Variants in CEP70 observed in about 807,000 individuals in gnomAD.
CEP70 encodes the protein centrosomal protein of 70 kDa.
A neutral mutation model predicts 90.9 loss-of-function variants in CEP70; 70 were observed. That is an observed-to-expected ratio of 0.77 (90% CI 0.64 to 0.94). CEP70 has a LOEUF of 0.94. Ranked by LOEUF, CEP70 falls within the 40% of genes least tolerant of loss-of-function variation. CEP70 has a pLI of 0.00. For synonymous variants in CEP70, 220 were observed against 228.3 expected (o/e 0.96, Z 0.33); for missense variants, 648 against 669.0 (o/e 0.97, Z 0.35).
At chr3:138,495,929 A>T in intron 17 of CEP70, 1 of 985,362 alleles carries the variant, frequency 1.0e-6, no homozygotes, top group Non-Finnish European at 1.2e-6. Flanking sequence ...TATATTATAG[A>T]GCTTAGCCTG....
In CEP70 at chr3:138,549,697, G is replaced by A. The variant is rs145684882; in HGVS notation, c.466-12350C>T. 5.7e-3 allele frequency among the ~76,000 whole-genome samples: 861 copies of A among 152,164 alleles called. 7 individuals are homozygous for A. Among genetic ancestry groups the A allele is most frequent in the African/African-American group, 0.02 (827 of 41,506 alleles). ...GGGCCCTGCCTACTGCCTGATCCCCGTTATACTACCACAGCTGATGCACTC... is the reference window on the plus strand; with the variant it reads ...GGGCCCTGCCTACTGCCTGATCCCCATTATACTACCACAGCTGATGCACTC... On this transcript the variant is annotated intron_variant, in intron 6 of 17. Coordinates refer to ENST00000264982, the MANE Select transcript of CEP70 (RefSeq NM_024491.4).
At chr3:138,525,786 T>A (rs1576648019) in intron 10 of CEP70, among the ~76,000 whole-genome samples, 1 of 152,348 alleles carries the variant, frequency 6.6e-6, no homozygotes. Context: ...TTGCTGCTAA[T>A]CTGTTACTTG....
chr3:138,570,130 A>AGAAT (rs1346619322), intron 6 of CEP70, among the ~76,000 whole-genome samples, 188 bp downstream of exon 6: 2 of 152,166 alleles, frequency 1.3e-5, no homozygotes. Context: ...AAGAAATTAG[A>AGAAT]GAATGATCAG....
chr3:138,541,584 C>T (rs1045374913), intron 6 of CEP70, among the ~76,000 whole-genome samples: 1 of 151,974 alleles, frequency 6.6e-6, no homozygotes, highest in African/African-American at 2.4e-5. Flanking sequence ...AGAAGGACAC[C>T]ACATGCAAAA....
chr3:138,564,017 T>C lies in CEP70; in HGVS notation c.465+6301A>G, dbSNP rs569508379. ...GCAATAAAAAATGATAAAGGGGATA[T>C]CCCCACTGATCCCACAGAAATACAA... On this transcript the variant is annotated intron_variant, in intron 6 of 17. Coordinates refer to ENST00000264982, the MANE Select transcript of CEP70 (RefSeq NM_024491.4). Among the ~76,000 whole-genome samples the C allele has an allele frequency of 6.6e-5, 10 of 152,158 alleles. No individual in the cohort carries two copies. The East Asian group carries it at 1.5e-3, about 23-fold the overall frequency.
chr3:138,546,877 T>G (rs1377317872), intron 6 of CEP70, among the ~76,000 whole-genome samples: 2 of 152,148 alleles, frequency 1.3e-5, no homozygotes, highest in African/African-American at 2.4e-5. Flanking sequence ...CACAAATCTC[T>G]TATGGAACAG....
intron 2 of CEP70, among the ~76,000 whole-genome samples, chr3:138,576,889 G>A (rs2041564619): frequency 6.6e-6 from 1 of 152,130 alleles, no homozygotes; most frequent in South Asian, 2.1e-4. Context: ...AAATAAAGAT[G>A]TTCTTTGAAA....
chr3:138,546,990 C>A (rs2039257911), intron 6 of CEP70, among the ~76,000 whole-genome samples: 1 of 152,014 alleles, frequency 6.6e-6, no homozygotes, highest in Non-Finnish European at 1.5e-5. Context: ...GGAACTATTT[C>A]ATCTTATAAG....
rs1438085408 is a variant in CEP70, at chr3:138,529,394, G to T, written c.761C>A (p.Thr254Asn). Residue 254 changes from threonine (T) to asparagine (N), a missense_variant, in exon 9 of 18, where the codon ACT becomes AAT. Transcript: ENST00000264982. Reference protein sequence around the residue: ...NDYRNLDASPTYKGLLMSLQN... With the variant: ...NDYRNLDASPNYKGLLMSLQN... ...CCATACCATTAAAAGGCCTTTATAA[G>T]TTGGTGAGGCATCCAGATTTCTGTA... 6.2e-6 allele frequency: 10 copies of T among 1,609,628 alleles called. No homozygotes were observed. Among genetic ancestry groups the T allele is most frequent in the African/African-American group, 2.7e-5 (2 of 74,660 alleles).
chr3:138,522,162 T>G (rs934601348), intron 11 of CEP70, among the ~76,000 whole-genome samples: 1 of 152,112 alleles, frequency 6.6e-6, no homozygotes, highest in Non-Finnish European at 1.5e-5. Flanking sequence ...CGCAGGGTCC[T>G]CTGCCTAGGA....
chr3:138,512,105 T>A (rs969406068), intron 11 of CEP70, among the ~76,000 whole-genome samples: 2 of 152,178 alleles, frequency 1.3e-5, no homozygotes, highest in East Asian at 3.9e-4. Flanking sequence ...AGAAGAAATG[T>A]TGGCTTATGG....
intron 6 of CEP70, among the ~76,000 whole-genome samples, chr3:138,552,417 T>C (rs1435216574): frequency 6.6e-6 from 1 of 152,216 alleles, no homozygotes; most frequent in Non-Finnish European, 1.5e-5. Context: ...ATAGACCATA[T>C]GATAGGCCAC....
intron 6 of CEP70, among the ~76,000 whole-genome samples, chr3:138,557,185 T>C (rs551164077): frequency 1.3e-5 from 2 of 152,218 alleles, no homozygotes; most frequent in African/African-American, 2.4e-5. Flanking sequence ...AAGAGAAATA[T>C]GGCTCTGTTC....
At chr3:138,550,345 A>G (rs1242841050) in intron 6 of CEP70, among the ~76,000 whole-genome samples, 4 of 152,196 alleles carry the variant, frequency 2.6e-5, no homozygotes, top group Non-Finnish European at 4.4e-5. Flanking sequence ...ATCTTCAGTG[A>G]AAAGATTGCA....
chr3:138,577,213 G>A (rs1370838847), intron 2 of CEP70, among the ~76,000 whole-genome samples: 4 of 152,060 alleles, frequency 2.6e-5, no homozygotes, highest in Admixed American at 2.6e-4. Context: ...GGGGATGGGG[G>A]AGGGATAGCA....
At chr3:138,504,982 G>C (rs1349449251) in intron 13 of CEP70, among the ~76,000 whole-genome samples, 1 of 152,128 alleles carries the variant, frequency 6.6e-6, no homozygotes, top group African/African-American at 2.4e-5. Flanking sequence ...GTAGAACAGG[G>C]AAGGGCCTAG....
chr3:138,584,999 G>C (rs998139267), intron 2 of CEP70, among the ~76,000 whole-genome samples: 9 of 152,044 alleles, frequency 5.9e-5, no homozygotes, highest in African/African-American at 2.2e-4. Context: ...GCTGTAGTTA[G>C]GACTAGAATT....
At chr3:138,515,161 T>C (rs1349230031) in intron 11 of CEP70, among the ~76,000 whole-genome samples, 1 of 152,158 alleles carries the variant, frequency 6.6e-6, no homozygotes, top group African/African-American at 2.4e-5. Flanking sequence ...CCACTGCTCC[T>C]AGAGGAAATA....
At chr3:138,544,417 T>C (rs1235716885) in intron 6 of CEP70, among the ~76,000 whole-genome samples, 2 of 148,644 alleles carry the variant, frequency 1.3e-5, no homozygotes, top group African/African-American at 4.9e-5. Flanking sequence ...ACACTATAGG[T>C]GGGAATGAAA....
Sources: gnomAD v4.1 joint callset for allele counts (sites outside exome capture counted in the v4.1 genomes callset) on GRCh38, gnomAD v4.1.1 for gene constraint, MANE v1.5 for transcripts, NCBI Gene and HGNC (gene_info 2026-07-23, HGNC 2026-07-21) for gene names.